PTPN2: variants seen among roughly 807,000 people sequenced by gnomAD.
PTPN2 encodes the protein tyrosine-protein phosphatase non-receptor type 2.
In PTPN2, 19 loss-of-function variants were observed where a neutral mutation model predicts 57.3. The observed-to-expected ratio is 0.33, with a 90% confidence interval of 0.23 to 0.49. PTPN2 has a LOEUF of 0.49. Ranked by LOEUF, PTPN2 falls within the 20% of genes least tolerant of loss-of-function variation. The pLI is 0.99. For missense variants in PTPN2, 358 were observed against 501.1 expected (o/e 0.71, Z 2.73); for synonymous variants, 153 against 164.9 (o/e 0.93, Z 0.55).
intron 2 of PTPN2, among the ~76,000 whole-genome samples, chr18:12,858,602 A>T (rs1392137429): frequency 1.3e-5 from 2 of 152,246 alleles, no homozygotes; most frequent in African/African-American, 4.8e-5. Context: ...AAAGAGCTAC[A>T]AATGAGTATG....
At chr18:12,868,738 G>C (rs2044082997) in intron 1 of PTPN2, among the ~76,000 whole-genome samples, 1 of 150,082 alleles carries the variant, frequency 6.7e-6, no homozygotes, top group African/African-American at 2.4e-5. Flanking sequence ...ATTGAGACCA[G>C]GTGATCTGCC....
At chr18:12,857,766 T>C (rs1328259112) in intron 2 of PTPN2, among the ~76,000 whole-genome samples, 2 of 152,158 alleles carry the variant, frequency 1.3e-5, no homozygotes, top group African/African-American at 2.4e-5. Flanking sequence ...GTGGGTCAAA[T>C]CTTCAAGTGT....
intron 4 of PTPN2, among the ~76,000 whole-genome samples, chr18:12,826,502 G>A (rs185851497): frequency 6.6e-6 from 1 of 152,202 alleles, no homozygotes; most frequent in Non-Finnish European, 1.5e-5. Context: ...CTCAGACTCA[G>A]AAATCCCCTT....
At chr18:12,824,942 T>G (rs2042397730) in intron 5 of PTPN2, among the ~76,000 whole-genome samples, 1 of 151,866 alleles carries the variant, frequency 6.6e-6, no homozygotes, top group African/African-American at 2.4e-5. Flanking sequence ...ATAAGAAAAT[T>G]AGGTATGGTG....
downstream of PTPN2, among the ~76,000 whole-genome samples, chr18:12,791,571 G>T (rs1277585413): frequency 6.6e-6 from 1 of 151,852 alleles, no homozygotes; most frequent in African/African-American, 2.4e-5. Context: ...TTTTATCATG[G>T]GCACAACACG....
chr18:12,849,356 C>T (rs1243028684), intron 2 of PTPN2, among the ~76,000 whole-genome samples: 2 of 152,038 alleles, frequency 1.3e-5, no homozygotes, highest in South Asian at 2.1e-4. Context: ...GTCAGGAGCT[C>T]GAGACCAGCC....
intron 2 of PTPN2, among the ~76,000 whole-genome samples, chr18:12,855,377 A>G (rs1214341750): frequency 6.6e-6 from 1 of 152,094 alleles, no homozygotes; most frequent in Non-Finnish European, 1.5e-5. Flanking sequence ...AAGAGGCTGA[A>G]AACACACAAA....
At chr18:12,814,085 A>G (rs1477310095) in intron 7 of PTPN2, 118 bp downstream of exon 7, 3 of 831,432 alleles carry the variant, frequency 3.6e-6, no homozygotes, top group Non-Finnish European at 5.5e-6. Context: ...AGCTGGATTT[A>G]CCACAAAAAT....
chr18:12,822,631 C>T (rs1032065326), intron 5 of PTPN2, among the ~76,000 whole-genome samples: 4 of 152,152 alleles, frequency 2.6e-5, no homozygotes, highest in African/African-American at 9.7e-5. Context: ...TTAATAGATA[C>T]GTGTCAGACT....
At chr18:12,870,745 A>G (rs955338821) in intron 1 of PTPN2, among the ~76,000 whole-genome samples, 4 of 151,400 alleles carry the variant, frequency 2.6e-5, no homozygotes, top group South Asian at 2.1e-4. Context: ...TCCTGACCTC[A>G]TGATCCGCCC....
intron 5 of PTPN2, among the ~76,000 whole-genome samples, chr18:12,825,359 T>TA (rs1480802558): frequency 1.3e-5 from 2 of 152,150 alleles, no homozygotes; most frequent in Non-Finnish European, 2.9e-5. Flanking sequence ...GGGCATTTAC[T>TA]AAGGTCAGGT....
intron 6 of PTPN2, among the ~76,000 whole-genome samples, chr18:12,815,240 C>T (rs1442154924): frequency 6.6e-6 from 1 of 151,494 alleles, no homozygotes; most frequent in African/African-American, 2.4e-5. Context: ...GGTAAAACCC[C>T]GTCTCTACTA....
intron 1 of PTPN2, chr18:12,862,358 T>A (rs889931196): frequency 2.0e-5 from 3 of 152,136 alleles, no homozygotes; most frequent in African/African-American, 7.2e-5. Context: ...GGAGTTTCAC[T>A]ATGTTGGCCA....
chr18:12,875,523 G>GT (rs201079562), intron 1 of PTPN2, among the ~76,000 whole-genome samples: 1 of 135,698 alleles, frequency 7.4e-6, no homozygotes, highest in Non-Finnish European at 1.5e-5. Flanking sequence ...ATTATTAAAA[G>GT]TTCAGTTTAT....
At chr18:12,815,713 A>G (rs1470168842) in intron 6 of PTPN2, among the ~76,000 whole-genome samples, 2 of 152,248 alleles carry the variant, frequency 1.3e-5, no homozygotes, top group East Asian at 3.8e-4. Flanking sequence ...GTAAAGTAAT[A>G]CAGATGTTTA....
rs1231568787 is a variant in PTPN2, at chr18:12,793,743, G to C, written c.*535C>G. 14 of 947,700 alleles carry C rather than the reference G, an allele frequency of 1.5e-5. No individual in the cohort carries two copies. In the Admixed American group the frequency reaches 3.0e-4, roughly 21 times the overall value. 58.7% of individuals were successfully genotyped at this position (947,700 alleles called of 1,614,324 possible). The stretch of plus-strand genomic sequence containing the variant: ...ATTTTTCAAATTGAGCTCTTAAAAA[G>C]TACAGTTAACTACAAAAGATTAAAT... On this transcript the variant is annotated 3_prime_UTR_variant, in exon 9 of 9. Transcript: ENST00000309660.
intron 2 of PTPN2, among the ~76,000 whole-genome samples, chr18:12,850,449 C>A (rs1057032476): frequency 2.0e-5 from 3 of 151,744 alleles, no homozygotes; most frequent in African/African-American, 4.8e-5. Context: ...AGATCACACC[C>A]CTGCACTCCA....
intron 8 of PTPN2, 110 bp downstream of exon 8, chr18:12,801,860 T>C: frequency 9.5e-7 from 1 of 1,055,960 alleles, no homozygotes; most frequent in Non-Finnish European, 1.4e-6. Context: ...TGATTGTATT[T>C]TCCTAATATA....
chr18:12,870,871 C>T (rs8091305), intron 1 of PTPN2, among the ~76,000 whole-genome samples: 26,284 of 151,874 alleles, frequency 0.17, 5,093 homozygotes, highest in African/African-American at 0.48. Flanking sequence ...CCTATGTATA[C>T]ATGGATTACA....
Sources: allele counts gnomAD v4.1 joint callset (sites outside exome capture counted in the v4.1 genomes callset), GRCh38; gene constraint gnomAD v4.1.1; transcripts MANE v1.5; gene names NCBI Gene and HGNC (gene_info 2026-07-23, HGNC 2026-07-21).